The following PLA2R1 variants were observed in gnomAD, a reference collection of about 807,000 sequenced individuals.
The protein encoded by PLA2R1 is phospholipase A2 receptor 1, also known as secretory phospholipase A2 receptor.
A neutral mutation model predicts 195.9 loss-of-function variants in PLA2R1; 158 were observed. The ratio of observed to expected loss-of-function variants is 0.81; its 90% CI spans 0.71 to 0.92. PLA2R1 has a LOEUF of 0.92. PLA2R1 is among the 40% of genes least tolerant of loss of function. The pLI is 0.00. For missense variants in PLA2R1, 1,626 were observed against 1,764.6 expected (o/e 0.92, Z 1.41); for synonymous variants, 586 against 598.2 (o/e 0.98, Z 0.30).
chr2:160,016,782 A>AC (rs1692801912), intron 8 of PLA2R1, 70 bp from the exon 9 acceptor site: 21 of 679,162 alleles, frequency 3.1e-5, no homozygotes, highest in African/African-American at 7.5e-5. Context: ...AGCAATTCTT[A>AC]TAAAAAAAAT....
intron 12 of PLA2R1, 98 bp downstream of exon 12, chr2:159,987,057 GA>G (rs1011955763): frequency 4.9e-4 from 412 of 845,350 alleles, no homozygotes; most frequent in South Asian, 8.0e-4. Context: ...CACTGTTCTG[GA>G]AAAAAAAAGG....
At position 159,934,503 on chromosome 2, in the gene PLA2R1, A is replaced by C. The variant is rs1332782729; in HGVS notation, c.*7275T>G. 6.6e-6 allele frequency: 1 copy of C among 152,202 alleles called. No homozygotes were observed. Among genetic ancestry groups the C allele is most frequent in the Non-Finnish European group, 1.5e-5 (1 of 68,032 alleles). The allele number at this position is 152,202 out of a possible 1,614,324, so 9.4% of individuals were successfully genotyped here. A position where few individuals can be genotyped will look rare whatever the true frequency, so the allele number is the denominator to read the frequency against. The stretch of plus-strand genomic sequence containing the variant: ...CTCAAACTTTTTGGCTAGCATACAA[A>C]ATTGTTAAAAGAATCATGAAAGAAG... On this transcript the variant is annotated 3_prime_UTR_variant, in exon 30 of 30. Transcript: ENST00000283243.
At chr2:159,962,687 T>C (rs995512121) in intron 20 of PLA2R1, among the ~76,000 whole-genome samples, 1 of 152,172 alleles carries the variant, frequency 6.6e-6, no homozygotes, top group Admixed American at 6.5e-5. Flanking sequence ...ATAAACACCA[T>C]GGAATACTAT....
At chr2:159,997,714 T>C (rs1691310497) in intron 11 of PLA2R1, among the ~76,000 whole-genome samples, 1 of 152,070 alleles carries the variant, frequency 6.6e-6, no homozygotes, top group Admixed American at 6.6e-5. Context: ...CCTCTGGAGA[T>C]TTCTGCTCAT....
intron 1 of PLA2R1, among the ~76,000 whole-genome samples, chr2:160,051,607 T>C (rs753847356): frequency 3.9e-5 from 6 of 152,222 alleles, no homozygotes; most frequent in Non-Finnish European, 7.3e-5. Context: ...TAGTGAACAA[T>C]GGATTCAGAG....
chr2:160,045,846 T>C (rs1573968135), intron 1 of PLA2R1, among the ~76,000 whole-genome samples: 2 of 152,126 alleles, frequency 1.3e-5, no homozygotes, highest in African/African-American at 4.8e-5. Context: ...CACCACACCT[T>C]GAAACACGAG....
At chr2:160,007,620 A>G (rs1247164410) in intron 10 of PLA2R1, among the ~76,000 whole-genome samples, 1 of 152,206 alleles carries the variant, frequency 6.6e-6, no homozygotes, top group African/African-American at 2.4e-5. Context: ...CACTTACAAT[A>G]GTGCCCCCAA....
chr2:159,981,216 CGTGTGTGTGTGT>C (rs3061613), intron 13 of PLA2R1, among the ~76,000 whole-genome samples: 10 of 148,214 alleles, frequency 6.7e-5, no homozygotes, highest in Non-Finnish European at 1.2e-4. Context: ...TATGTGCATA[CGTGTGTGTGTGT>C]GTGTGTGTGT....
intron 4 of PLA2R1, among the ~76,000 whole-genome samples, chr2:160,031,546 C>T (rs1256588650): frequency 6.6e-6 from 1 of 152,086 alleles, no homozygotes; most frequent in East Asian, 1.9e-4. Context: ...GTAAGCCACA[C>T]CAGGAATTTG....
chr2:159,972,329 C>T (rs1689244684), intron 17 of PLA2R1, among the ~76,000 whole-genome samples: 1 of 152,096 alleles, frequency 6.6e-6, no homozygotes, highest in African/African-American at 2.4e-5. Context: ...CAATAGAAGA[C>T]TTATTAACAT....
intron 1 of PLA2R1, among the ~76,000 whole-genome samples, chr2:160,054,040 T>C (rs1178230863): frequency 1.3e-5 from 2 of 152,174 alleles, no homozygotes; most frequent in Non-Finnish European, 1.5e-5. Context: ...TAACATTATG[T>C]AAAAAAGACC....
At chr2:160,029,948 C>A (rs918987893) in intron 4 of PLA2R1, among the ~76,000 whole-genome samples, 15 of 152,222 alleles carry the variant, frequency 9.9e-5, no homozygotes, top group African/African-American at 3.6e-4. Context: ...AAGATTAAGA[C>A]CCTGACGGAT....
At chr2:159,968,414 C>G (rs1688926904) in intron 19 of PLA2R1, among the ~76,000 whole-genome samples, 1 of 152,094 alleles carries the variant, frequency 6.6e-6, no homozygotes. Context: ...GAAGGAAGGG[C>G]TGGAATGCTA....
chr2:159,990,799 C>G (rs1849049), intron 11 of PLA2R1, among the ~76,000 whole-genome samples: 4,611 of 152,162 alleles, frequency 0.03, 82 homozygotes, highest in East Asian at 0.052. Context: ...AATTAGGGCA[C>G]AGAGGCTTAG....
intron 11 of PLA2R1, among the ~76,000 whole-genome samples, chr2:159,993,490 T>C (rs1231597485): frequency 7.5e-6 from 1 of 133,212 alleles, no homozygotes; most frequent in Non-Finnish European, 1.7e-5. Context: ...CCTAGATCTG[T>C]CCATTGAAAT....
rs1390398860 is a variant in PLA2R1 at position 160,045,026 on chromosome 2, G to A, written c.241C>T (p.Leu81Phe). 1.2e-6 allele frequency: 2 copies of A among 1,614,200 alleles called. No individual in the cohort carries two copies. The highest frequency in any genetic ancestry group is 3.3e-5 in the Admixed American group (2 of 60,032). The change falls in exon 2 of 30, where the codon CTC (leucine) becomes TTC (phenylalanine). Residue 81 changes from leucine (L) to phenylalanine (F), a missense_variant. Coordinates refer to ENST00000283243, the MANE Select transcript of PLA2R1 (RefSeq NM_007366.5). ...CAACCACTGCCTCCTATGTTAAAGA[G>A]GCCATGGTTTGAAACCCATTTCCAC... The part of the protein sequence containing the change: ...MLWKWVSNHG[L>F]FNIGGSGCLG...
chr2:160,037,946 T>G (rs1319968638), intron 3 of PLA2R1, among the ~76,000 whole-genome samples: 1 of 152,210 alleles, frequency 6.6e-6, no homozygotes. Flanking sequence ...ACTATGACTT[T>G]CACATTTCAC....
intron 9 of PLA2R1, among the ~76,000 whole-genome samples, chr2:160,014,794 C>T (rs1003576074): frequency 3.3e-5 from 5 of 152,176 alleles, no homozygotes; most frequent in African/African-American, 1.2e-4. Flanking sequence ...CACTCCCCTT[C>T]ACTTCTATTC....
intron 24 of PLA2R1, 52 bp downstream of exon 24, chr2:159,951,288 A>G (rs1265929298): frequency 1.1e-6 from 1 of 938,970 alleles, no homozygotes; most frequent in Non-Finnish European, 1.7e-6. Context: ...TGAAGGAGGT[A>G]GATGCTAAAC....
Sources: gnomAD v4.1 joint callset for allele counts (sites outside exome capture counted in the v4.1 genomes callset) on GRCh38, gnomAD v4.1.1 for gene constraint, MANE v1.5 for transcripts, NCBI Gene and HGNC (gene_info 2026-07-23, HGNC 2026-07-21) for gene names.